HIVEP3: variants seen among roughly 807,000 people sequenced by gnomAD.
The protein encoded by HIVEP3 is HIVEP zinc finger 3, also known as transcription factor HIVEP3.
In HIVEP3, 49 loss-of-function variants were observed where a neutral mutation model predicts 152.8. The observed-to-expected ratio is 0.32, with a 90% confidence interval of 0.26 to 0.41. HIVEP3 has a LOEUF of 0.41. Ranked by LOEUF, HIVEP3 falls within the 10% of genes least tolerant of loss-of-function variation. The probability of loss-of-function intolerance (pLI) is 1.00; values close to 1 mark genes in which losing one functional copy is unlikely to be tolerated. For missense variants in HIVEP3, 2,790 were observed against 3,103.3 expected (o/e 0.90, Z 2.40); for synonymous variants, 1,269 against 1,289.0 (o/e 0.98, Z 0.33).
intron 1 of HIVEP3, among the ~76,000 whole-genome samples, chr1:41,739,998 TG>T (rs1646973686): frequency 6.6e-6 from 1 of 152,196 alleles, no homozygotes; most frequent in African/African-American, 2.4e-5. Context: ...ACCAGGAAGT[TG>T]TCTATCCCCA....
intron 3 of HIVEP3, among the ~76,000 whole-genome samples, chr1:41,599,755 C>G (rs1644719020): frequency 6.6e-6 from 1 of 152,122 alleles, no homozygotes; most frequent in South Asian, 2.1e-4. Context: ...TTAAAATCTT[C>G]TATGCGTGAA....
intron 1 of HIVEP3, among the ~76,000 whole-genome samples, chr1:41,820,384 A>T (rs1642557734): frequency 6.6e-6 from 1 of 152,206 alleles, no homozygotes; most frequent in Non-Finnish European, 1.5e-5. Context: ...AGTCCTAGTT[A>T]ACACATGCTG....
At chr1:41,688,826 T>A (rs1055720225) in intron 2 of HIVEP3, among the ~76,000 whole-genome samples, 1 of 152,044 alleles carries the variant, frequency 6.6e-6, no homozygotes, top group Non-Finnish European at 1.5e-5. Context: ...GATCTGTTTT[T>A]TTTTTTTGCC....
Position 41,583,018 on chromosome 1 carries a change from C to T in HIVEP3, c.1780G>A (p.Glu594Lys). 1 of 1,613,962 alleles carries T rather than the reference C, an allele frequency of 6.2e-7. No homozygotes were observed. Among genetic ancestry groups the T allele is most frequent in the Non-Finnish European group, 8.5e-7 (1 of 1,180,012 alleles). Residue 594 changes from glutamate to lysine, a missense_variant, in exon 4 of 9, where the codon GAA becomes AAA. Glu to Lys is a moderately conservative substitution (Grantham distance 56, BLOSUM62 1). Around this residue, in one of 9 missense-constraint regions of HIVEP3, gnomAD observed 339 missense variants for 327.0 expected, o/e 1.04. Transcript: ENST00000372583. This position sits in a 1 kb window ranked among gnomAD's most constrained non-coding sequence, Gnocchi z 6.9. ...PRMLKRQPAI[E>K]LPLGGEYSSE... ...CTGTATTCCCCTCCCAAAGGTAATT[C>T]GATTGCCGGCTGGCGCTTCAGCATC... is the stretch of plus-strand genomic sequence containing the variant.
chr1:41,525,023 A>G, intron 5 of HIVEP3, 113 bp from the exon 6 acceptor site: 3 of 1,019,286 alleles, frequency 2.9e-6, no homozygotes, highest in Non-Finnish European at 4.3e-6. Context: ...GACGCAAGGA[A>G]TGGAGGCCAC....
intron 1 of HIVEP3, among the ~76,000 whole-genome samples, chr1:41,751,323 C>CCTTTTTT (rs1426877286): frequency 2.8e-4 from 7 of 25,454 alleles, no homozygotes; most frequent in Non-Finnish European, 3.6e-4. Flanking sequence ...AACTGACACA[C>CCTTTTTT]ATTTTTTTTT....
At chr1:41,998,818 C>T (rs1387531474) in intron 1 of HIVEP3, among the ~76,000 whole-genome samples, 1 of 150,842 alleles carries the variant, frequency 6.6e-6, no homozygotes, top group Non-Finnish European at 1.5e-5. Context: ...TGTGATTTTG[C>T]CACTCTTATT....
chr1:41,800,821 CAT>C (rs1047367385), intron 1 of HIVEP3, among the ~76,000 whole-genome samples: 2 of 152,162 alleles, frequency 1.3e-5, no homozygotes, highest in African/African-American at 2.4e-5. Context: ...ATGCCTCCCA[CAT>C]AGAGATGGGC....
chr1:41,601,747 T>C (rs529555146), intron 3 of HIVEP3, among the ~76,000 whole-genome samples: 3 of 152,220 alleles, frequency 2.0e-5, no homozygotes, highest in Non-Finnish European at 2.9e-5. Context: ...GCCTAATTGC[T>C]CTGGCTAGGA....
At chr1:41,808,351 T>C (rs909097954) in intron 1 of HIVEP3, among the ~76,000 whole-genome samples, 1 of 152,228 alleles carries the variant, frequency 6.6e-6, no homozygotes, top group African/African-American at 2.4e-5. Context: ...GCTGCAGGCA[T>C]CTCCAGAGCA....
intron 3 of HIVEP3, among the ~76,000 whole-genome samples, chr1:41,592,475 TGAG>T (rs1352579403): frequency 6.6e-6 from 1 of 152,234 alleles, no homozygotes; most frequent in Admixed American, 6.5e-5. Flanking sequence ...GACCTTAAGC[TGAG>T]GAGAATTCCA....
At chr1:41,706,672 T>C (rs924932439) in intron 1 of HIVEP3, among the ~76,000 whole-genome samples, 1 of 152,196 alleles carries the variant, frequency 6.6e-6, no homozygotes, top group African/African-American at 2.4e-5. Flanking sequence ...TGGGTTTTAA[T>C]TGTCTGGCAG....
chr1:41,584,843 G>C lies in HIVEP3; in HGVS notation c.-46C>G, dbSNP rs144326103. On this transcript the variant is annotated 5_prime_UTR_variant, in exon 4 of 9. Coordinates refer to ENST00000372583, the MANE Select transcript of HIVEP3 (RefSeq NM_024503.5). This position sits in a 1 kb window ranked among gnomAD's most constrained non-coding sequence, Gnocchi z 5.2. Reference sequence around the variant, plus strand: ...ATGCTATTCAGGGAGAGTCAGGGCGGGCTGCATTTATGAATAATCCCAGTG... The same window carrying C: ...ATGCTATTCAGGGAGAGTCAGGGCGCGCTGCATTTATGAATAATCCCAGTG... 2.1e-3 allele frequency: 3,078 copies of C among 1,437,492 alleles called. 6 individuals carry two copies. The highest frequency in any genetic ancestry group is 2.4e-3 in the Non-Finnish European group (2,657 of 1,086,634). The allele number at this position is 1,437,492 out of a possible 1,614,324, so 89.0% of individuals were successfully genotyped here. A position where few individuals can be genotyped will look rare whatever the true frequency, so the allele number is the denominator to read the frequency against.
chr1:41,877,203 A>G (rs937294888), intron 1 of HIVEP3, among the ~76,000 whole-genome samples: 1 of 152,182 alleles, frequency 6.6e-6, no homozygotes, highest in Non-Finnish European at 1.5e-5. Context: ...TCCCCAGAAG[A>G]CAGCCTGGTT....
At chr1:41,730,572 C>T (rs572008839) in intron 1 of HIVEP3, among the ~76,000 whole-genome samples, 22 of 152,248 alleles carry the variant, frequency 1.4e-4, no homozygotes, top group East Asian at 1.3e-3. Flanking sequence ...ACCAGGGGCA[C>T]GCTGCAAATG....
Position 41,513,527 on chromosome 1 carries a change from C to G in HIVEP3, c.5694G>C (p.Leu1898=), listed in dbSNP as rs1642512953. The change falls in exon 8 of 9, where the codon CTG becomes CTC. Residue 1898 remains leucine (L), a synonymous_variant. Transcript: ENST00000372583. ...HALRADSSPI[L]GPQPPDAPAS... ...CGGGGGCATCTGGGGGCTGAGGGCC[C>G]AGGATGGGTGAGGAGTCTGCCCGCA... 6.2e-7 allele frequency: 1 copy of G among 1,606,894 alleles called. No homozygotes were observed. The highest frequency in any genetic ancestry group is 1.3e-5 in the African/African-American group (1 of 74,828).
At chr1:42,001,289 T>C (rs958296275) in intron 1 of HIVEP3, among the ~76,000 whole-genome samples, 2 of 152,244 alleles carry the variant, frequency 1.3e-5, no homozygotes, top group Non-Finnish European at 2.9e-5. Context: ...AGCATAAGTC[T>C]GTCCGCGTAG....
intron 3 of HIVEP3, among the ~76,000 whole-genome samples, chr1:41,620,341 T>A (rs1256553107): frequency 6.6e-6 from 1 of 152,210 alleles, no homozygotes; most frequent in Non-Finnish European, 1.5e-5. Flanking sequence ...CATGACATAG[T>A]TTCTTTTAGG....
intron 2 of HIVEP3, among the ~76,000 whole-genome samples, chr1:41,634,485 TAATAAACAAAAGACATAA>T (rs1645241162): frequency 6.6e-6 from 1 of 151,800 alleles, no homozygotes; most frequent in South Asian, 2.1e-4. Flanking sequence ...AGAAAAAGTG[TAATAAACAAAAGACATAA>T]AATAAGATGA....
Sources: allele counts gnomAD v4.1 joint callset (sites outside exome capture counted in the v4.1 genomes callset), GRCh38; gene constraint gnomAD v4.1.1; regional missense constraint gnomAD v4.1.1; non-coding constraint Gnocchi (gnomAD v3.1); transcripts MANE v1.5; gene names NCBI Gene and HGNC (gene_info 2026-07-23, HGNC 2026-07-21).